Variants in KCNH8 observed in about 807,000 individuals in gnomAD.
The protein encoded by KCNH8 is voltage-gated delayed rectifier potassium channel KCNH8.
Under a neutral mutation model 103.6 loss-of-function variants are expected in KCNH8, and 70 were observed. That is an observed-to-expected ratio of 0.68 (90% CI 0.56 to 0.82). The LOEUF (loss-of-function observed/expected upper bound fraction) is 0.82, where lower values mean the gene tolerates loss of function less well. Among genes scored for constraint, KCNH8 ranks in the 40% least tolerant of loss-of-function variants. The pLI is 0.00. For synonymous variants in KCNH8, 498 were observed against 489.4 expected (o/e 1.02, Z -0.23); for missense variants, 1,217 against 1,329.9 (o/e 0.92, Z 1.32).
Position 19,377,062 on chromosome 3 carries a change from T to C in KCNH8, c.812-13419T>C, listed in dbSNP as rs188560539. On this transcript the variant is annotated intron_variant, in intron 5 of 15. Transcript: ENST00000328405. ...TTGTCAATAGAACAAATGTCTAGAA[T>C]ACAATGGGAATCTAGAATGTAAGTT... 2.6e-5 allele frequency among the ~76,000 whole-genome samples: 4 copies of C among 152,272 alleles called. No homozygotes were observed. The East Asian group carries it at 7.7e-4, about 29-fold the overall frequency.
intron 11 of KCNH8, among the ~76,000 whole-genome samples, chr3:19,480,492 T>C (rs1395254021): frequency 1.3e-5 from 2 of 152,196 alleles, no homozygotes; most frequent in African/African-American, 4.8e-5. Flanking sequence ...AATTCTAATA[T>C]TAGGAACTTT....
intron 1 of KCNH8, among the ~76,000 whole-genome samples, chr3:19,177,349 T>G (rs1326274904): frequency 2.0e-5 from 3 of 152,140 alleles, no homozygotes; most frequent in Admixed American, 2.0e-4. Flanking sequence ...ATAAATGAGT[T>G]TTAATGAGTA....
Position 19,148,581 on chromosome 3 carries a change from TC to T in KCNH8, c.-135del, listed in dbSNP as rs2063097960. ...CCCTTTCTCCCTCCATCCTTCCACTTCCCCTGCTCGGCCCCGCCGTCAGGCC... is the reference window on the plus strand; with the variant it reads ...CCCTTTCTCCCTCCATCCTTCCACTTCCCTGCTCGGCCCCGCCGTCAGGCC... On this transcript the variant is annotated 5_prime_UTR_variant, in exon 1 of 16. Transcript: ENST00000328405. The T allele has an allele frequency of 1.3e-6, 1 of 783,456 alleles. No homozygotes were observed. The highest frequency in any genetic ancestry group is 1.7e-5 in the African/African-American group (1 of 58,948). 48.5% of individuals were successfully genotyped at this position (783,456 alleles called of 1,614,324 possible).
At chr3:19,488,052 C>T (rs926506124) in intron 11 of KCNH8, among the ~76,000 whole-genome samples, 2 of 152,166 alleles carry the variant, frequency 1.3e-5, no homozygotes, top group East Asian at 3.9e-4. Context: ...ACGGCAGGCT[C>T]CTTGGGGGCG....
At chr3:19,296,105 G>A (rs1262367419) in intron 3 of KCNH8, among the ~76,000 whole-genome samples, 2 of 152,156 alleles carry the variant, frequency 1.3e-5, no homozygotes, top group Middle Eastern at 3.2e-3. Flanking sequence ...TTGACACTTT[G>A]TGTGGGGGAA....
chr3:19,240,865 T>G (rs1240227568), intron 1 of KCNH8, among the ~76,000 whole-genome samples: 1 of 152,066 alleles, frequency 6.6e-6, no homozygotes, highest in East Asian at 1.9e-4. Flanking sequence ...CATAGGCAAA[T>G]TTTTCAGCTC....
chr3:19,517,293 C>T (rs2125245357), intron 14 of KCNH8, among the ~76,000 whole-genome samples: 1 of 152,148 alleles, frequency 6.6e-6, no homozygotes, highest in South Asian at 2.1e-4. Context: ...TCTTATTACT[C>T]TATTTCAGAC....
intron 1 of KCNH8, among the ~76,000 whole-genome samples, chr3:19,150,843 G>A (rs1344963942): frequency 6.6e-6 from 1 of 152,058 alleles, no homozygotes. Context: ...ATTCCTGGAG[G>A]GAACCAGTTT....
At chr3:19,298,215 A>G (rs1238693782) in intron 3 of KCNH8, among the ~76,000 whole-genome samples, 1 of 152,234 alleles carries the variant, frequency 6.6e-6, no homozygotes, top group Non-Finnish European at 1.5e-5. Flanking sequence ...AACCTTTCTA[A>G]GGTAACATCT....
intron 1 of KCNH8, among the ~76,000 whole-genome samples, chr3:19,157,203 T>C (rs1335820344): frequency 1.3e-5 from 2 of 152,110 alleles, no homozygotes; most frequent in African/African-American, 4.8e-5. Context: ...TGACAAGAAG[T>C]AGATGGCTCT....
chr3:19,361,524 C>T (rs146250157), intron 5 of KCNH8, among the ~76,000 whole-genome samples: 174 of 152,072 alleles, frequency 1.1e-3, no homozygotes, highest in African/African-American at 3.9e-3. Flanking sequence ...TCTAGTTTGC[C>T]GATTCTCAGA....
intron 11 of KCNH8, among the ~76,000 whole-genome samples, chr3:19,460,944 T>C (rs2067615843): frequency 1.3e-5 from 2 of 152,162 alleles, no homozygotes; most frequent in African/African-American, 2.4e-5. Context: ...CCTTCTGCCA[T>C]GATTGTAAGT....
chr3:19,291,059 A>C (rs1453528146), intron 3 of KCNH8, among the ~76,000 whole-genome samples: 1 of 152,146 alleles, frequency 6.6e-6, no homozygotes, highest in Admixed American at 6.5e-5. Context: ...CTCTGATGGT[A>C]GTTTGTATTT....
intron 1 of KCNH8, among the ~76,000 whole-genome samples, chr3:19,232,181 C>A (rs991077677): frequency 1.3e-5 from 2 of 152,138 alleles, no homozygotes; most frequent in African/African-American, 4.8e-5. Flanking sequence ...GATTAGCAAA[C>A]AAGACACACC....
intron 3 of KCNH8, among the ~76,000 whole-genome samples, chr3:19,305,660 T>TA (rs1202999661): frequency 5.3e-5 from 8 of 152,056 alleles, no homozygotes; most frequent in Non-Finnish European, 2.9e-5. Flanking sequence ...TAGAGTAGTG[T>TA]TAGTAGCAAT....
intron 1 of KCNH8, among the ~76,000 whole-genome samples, chr3:19,214,737 A>T (rs2063802701): frequency 1.3e-5 from 2 of 152,224 alleles, no homozygotes; most frequent in African/African-American, 4.8e-5. Context: ...CTGACATTAG[A>T]CATGTACCAA....
intron 1 of KCNH8, among the ~76,000 whole-genome samples, chr3:19,163,865 TTTC>T (rs1453169755): frequency 1.3e-5 from 2 of 152,346 alleles, no homozygotes; most frequent in South Asian, 2.1e-4. Flanking sequence ...TCTTTATAAC[TTTC>T]TTATTAACAT....
intron 1 of KCNH8, among the ~76,000 whole-genome samples, chr3:19,199,218 G>C (rs11929014): frequency 0.044 from 6,673 of 152,152 alleles, 522 homozygotes; most frequent in African/African-American, 0.15. Context: ...ATCATGTTAT[G>C]TGTTGAACTG....
At chr3:19,306,069 G>A (rs2065126222) in intron 3 of KCNH8, among the ~76,000 whole-genome samples, 1 of 151,996 alleles carries the variant, frequency 6.6e-6, no homozygotes, top group Non-Finnish European at 1.5e-5. Context: ...TGGGAGGAGA[G>A]GATCTGGAAA....
Sources: gnomAD v4.1 joint callset for allele counts (sites outside exome capture counted in the v4.1 genomes callset) on GRCh38, gnomAD v4.1.1 for gene constraint, MANE v1.5 for transcripts, NCBI Gene and HGNC (gene_info 2026-07-23, HGNC 2026-07-21) for gene names.